The following KSR2 variants were observed in gnomAD, a reference collection of about 807,000 sequenced individuals.
KSR2 encodes kinase suppressor of ras 2.
In KSR2, 25 loss-of-function variants were observed where a neutral mutation model predicts 107.8. The observed-to-expected ratio is 0.23, with a 90% CI of 0.17 to 0.32. The LOEUF is 0.32. KSR2 is among the 10% of genes least tolerant of loss of function. KSR2 has a pLI of 1.00. For missense variants in KSR2, 887 were observed against 1,268.9 expected (o/e 0.70, Z 4.57); for synonymous variants, 480 against 507.0 (o/e 0.95, Z 0.71).
chr12:117,656,712 G>T (rs74885510), intron 5 of KSR2, among the ~76,000 whole-genome samples: 4,714 of 151,948 alleles, frequency 0.031, 245 homozygotes, highest in African/African-American at 0.11. Flanking sequence ...AAAGCAGGTA[G>T]AAAAACATGG....
chr12:117,509,666 G>A (rs562114288), intron 14 of KSR2, among the ~76,000 whole-genome samples: 13 of 152,272 alleles, frequency 8.5e-5, no homozygotes, highest in African/African-American at 2.9e-4. Flanking sequence ...CAAGTCTGCC[G>A]AGAATCCTTG....
rs1007671990 is a variant in KSR2, at chr12:117,504,758, C to G, written c.2220-19067G>C. Among the ~76,000 whole-genome samples the G allele has an allele frequency of 4.6e-5, 7 of 152,258 alleles. No homozygotes were observed. In the East Asian group the frequency reaches 1.4e-3, roughly 29 times the overall value. On this transcript the variant is annotated intron_variant, in intron 14 of 19. Transcript: ENST00000339824. ...CAGCACCAGAATCTTTTAAAAAAAT[C>G]TTTGTTAAAATTTCAGTAGCTTTTG... is the stretch of plus-strand genomic sequence containing the variant.
At chr12:117,698,693 A>G (rs1886171851) in intron 4 of KSR2, among the ~76,000 whole-genome samples, 1 of 152,052 alleles carries the variant, frequency 6.6e-6, no homozygotes, top group Non-Finnish European at 1.5e-5. Flanking sequence ...ATACACCCAG[A>G]TCCAGAGCTC....
intron 4 of KSR2, among the ~76,000 whole-genome samples, chr12:117,709,106 G>A (rs1488806866): frequency 3.3e-5 from 5 of 151,958 alleles, no homozygotes; most frequent in African/African-American, 4.8e-5. Flanking sequence ...ACACACCTGC[G>A]AAGTCCCTTT....
In KSR2 at chr12:117,460,420, A is replaced by C. The variant is rs1203287000; in HGVS notation, c.*6779T>G. ...GTGCAACATCCAGCAGGAGAGACGG[A>C]GGGGATAGGAAGCCTGGAGCAGGGA... On this transcript the variant is annotated 3_prime_UTR_variant, in exon 20 of 20. Transcript: ENST00000339824. The C allele has an allele frequency of 1.3e-5, 2 of 152,228 alleles. No homozygotes were observed. Among genetic ancestry groups the C allele is most frequent in the Non-Finnish European group, 2.9e-5 (2 of 68,072 alleles). The allele number at this position is 152,228 out of a possible 1,614,324, so 9.4% of individuals were successfully genotyped here.
At chr12:117,891,416 CA>C (rs147563190) in intron 1 of KSR2, among the ~76,000 whole-genome samples, 583 of 135,466 alleles carry the variant, frequency 4.3e-3, no homozygotes, top group Non-Finnish European at 5.8e-3. Context: ...GACTCCATCT[CA>C]AAAAAAAAAA....
rs557552600 is a variant in KSR2 at position 117,751,402 on chromosome 12, A to C, written c.986+9609T>G. Among the ~76,000 whole-genome samples, 27 of 152,316 alleles carry C rather than the reference A, an allele frequency of 1.8e-4. No individual in the cohort carries two copies. The South Asian group carries it at 5.0e-3, about 28-fold the overall frequency. On this transcript the variant is annotated intron_variant, in intron 4 of 19. Coordinates refer to ENST00000339824, the MANE Select transcript of KSR2 (RefSeq NM_173598.6). ...TTAACACAATCTTTTCCTCTTCTGC[A>C]TGAGAATTTAACCCTGGGTTAACTT...
At chr12:117,472,610 T>C (rs1031545262) in intron 17 of KSR2, among the ~76,000 whole-genome samples, 6 of 152,196 alleles carry the variant, frequency 3.9e-5, no homozygotes, top group African/African-American at 1.4e-4. Flanking sequence ...CAACTATTGC[T>C]AGGGTTTCAC....
intron 3 of KSR2, among the ~76,000 whole-genome samples, chr12:117,799,847 C>G (rs1471799099): frequency 1.3e-5 from 2 of 152,128 alleles, no homozygotes; most frequent in Non-Finnish European, 2.9e-5. Flanking sequence ...CTCTGGGGCA[C>G]CTAAAAGGCA....
intron 6 of KSR2, 66 bp downstream of exon 6, chr12:117,582,224 G>T: frequency 7.2e-7 from 1 of 1,396,302 alleles, no homozygotes; most frequent in Non-Finnish European, 1.0e-6. Context: ...CCAGGGCAGG[G>T]GCCAGAGCCC....
At chr12:117,861,240 A>G (rs1361844687) in intron 1 of KSR2, among the ~76,000 whole-genome samples, 4 of 152,202 alleles carry the variant, frequency 2.6e-5, no homozygotes, top group African/African-American at 9.6e-5. Context: ...ATCACGAAGC[A>G]GGCTCTGTAC....
intron 16 of KSR2, among the ~76,000 whole-genome samples, chr12:117,482,292 C>G (rs1162785907): frequency 1.3e-5 from 2 of 152,024 alleles, no homozygotes; most frequent in Non-Finnish European, 2.9e-5. Flanking sequence ...CAACTTCACC[C>G]CCTCCCCGCC....
chr12:117,723,604 A>T (rs1887297003), intron 4 of KSR2, among the ~76,000 whole-genome samples: 2 of 152,186 alleles, frequency 1.3e-5, no homozygotes, highest in African/African-American at 4.8e-5. Flanking sequence ...TCATTAAAAA[A>T]AATAAAAGCT....
At chr12:117,642,981 T>C (rs947070964) in intron 5 of KSR2, among the ~76,000 whole-genome samples, 1 of 152,200 alleles carries the variant, frequency 6.6e-6, no homozygotes, top group African/African-American at 2.4e-5. Flanking sequence ...ACTGAGGTTT[T>C]AGACAGGATT....
At chr12:117,546,217 T>C (rs1329318090) in intron 9 of KSR2, among the ~76,000 whole-genome samples, 2 of 152,244 alleles carry the variant, frequency 1.3e-5, no homozygotes, top group Non-Finnish European at 2.9e-5. Flanking sequence ...CTTTCAGTTT[T>C]GAAGAATATT....
At chr12:117,760,984 C>A (rs1401202647) in intron 4 of KSR2, 27 bp downstream of exon 4, 1 of 1,611,976 alleles carries the variant, frequency 6.2e-7, no homozygotes, top group African/African-American at 1.3e-5. Context: ...TTTCGACCGC[C>A]CCAGGGCACC....
intron 5 of KSR2, among the ~76,000 whole-genome samples, chr12:117,639,042 AT>A (rs1214516940): frequency 1.3e-5 from 2 of 152,016 alleles, no homozygotes; most frequent in Admixed American, 1.3e-4. Flanking sequence ...CCCGGCCCTC[AT>A]TCAAATAAAA....
At chr12:117,670,826 C>G (rs928518043) in intron 4 of KSR2, among the ~76,000 whole-genome samples, 3 of 152,202 alleles carry the variant, frequency 2.0e-5, no homozygotes, top group African/African-American at 7.2e-5. Flanking sequence ...AACGGCAAAG[C>G]TGCCCCTCAC....
chr12:117,777,111 C>T (rs895835821), intron 3 of KSR2, among the ~76,000 whole-genome samples: 990 of 48,390 alleles, frequency 0.02, 16 homozygotes, highest in African/African-American at 0.09. Context: ...TATATATACA[C>T]ACACACACCA....
Sources: gnomAD v4.1 joint callset for allele counts (sites outside exome capture counted in the v4.1 genomes callset) on GRCh38, gnomAD v4.1.1 for gene constraint, MANE v1.5 for transcripts, NCBI Gene and HGNC (gene_info 2026-07-23, HGNC 2026-07-21) for gene names.